The following NECAB3 variants were observed in gnomAD, a reference collection of about 807,000 sequenced individuals.
NECAB3 encodes N-terminal EF-hand calcium-binding protein 3.
NECAB3 carries 38 observed loss-of-function variants against 57.2 expected under a neutral mutation model. The ratio of observed to expected loss-of-function variants is 0.66; its 90% CI spans 0.51 to 0.87. The LOEUF (loss-of-function observed/expected upper bound fraction) is 0.87. Ranked by LOEUF, NECAB3 falls within the 40% of genes least tolerant of loss-of-function variation. The pLI is 0.00. For synonymous variants in NECAB3, 223 were observed against 222.6 expected (o/e 1.00, Z -0.02); for missense variants, 474 against 527.5 (o/e 0.90, Z 0.99).
chr20:33,663,416 C>T (rs2017543658), intron 5 of NECAB3: 7 of 1,119,866 alleles, frequency 6.3e-6, no homozygotes, highest in Admixed American at 2.6e-5. Context: ...TGACAGGACC[C>T]GGGTGGACGA....
chr20:33,666,352 C>T (rs1293160971), intron 5 of NECAB3: 2 of 152,390 alleles, frequency 1.3e-5, no homozygotes, highest in African/African-American at 4.8e-5. Flanking sequence ...AATCACTGCC[C>T]TTGGCTCTGT....
At chr20:33,672,827 C>G (rs560558289) in intron 1 of NECAB3, among the ~76,000 whole-genome samples, 1 of 152,206 alleles carries the variant, frequency 6.6e-6, no homozygotes, top group South Asian at 2.1e-4. Flanking sequence ...CGTCCTAGAC[C>G]TGAGCCCCGA....
At position 33,657,109 on chromosome 20, in the gene NECAB3, T is replaced by A. The variant is rs2017312622; in HGVS notation, c.*720A>T. The A allele has an allele frequency of 6.6e-6, 1 of 152,552 alleles. No homozygotes were observed. The highest frequency in any genetic ancestry group is 1.5e-5 in the Non-Finnish European group (1 of 68,050). 9.4% of individuals were successfully genotyped at this position (152,552 alleles called of 1,614,324 possible). On this transcript the variant is annotated 3_prime_UTR_variant, in exon 12 of 12. Coordinates refer to ENST00000246190, the MANE Select transcript of NECAB3 (RefSeq NM_031232.4). ...CACTGGAAGGGACCACTGCCTTTAT[T>A]GCCTCTGTGCTGGGGTCCCAGCCTG... is the stretch of plus-strand genomic sequence containing the variant.
rs1485684037 is a variant in NECAB3, at chr20:33,657,653, T to A, written c.*176A>T. 1.7e-6 allele frequency: 1 copy of A among 595,310 alleles called. No individual in the cohort carries two copies. The allele number at this position is 595,310 out of a possible 1,614,324, so 36.9% of individuals were successfully genotyped here. ...ACAATAAAATACAGGGATAAATAAATCAATAATAAATAGAAAGCAAGCAGC... is the reference window on the plus strand; with the variant it reads ...ACAATAAAATACAGGGATAAATAAAACAATAATAAATAGAAAGCAAGCAGC... On this transcript the variant is annotated 3_prime_UTR_variant, in exon 12 of 12. Coordinates refer to ENST00000246190, the MANE Select transcript of NECAB3 (RefSeq NM_031232.4).
In NECAB3 at chr20:33,671,025, G is replaced by A. The variant is rs115228016; in HGVS notation, c.155-233C>T. ...CTACTTTGCAGGCACCAAAGGGACA[G>A]GGCAGTATGTACATAGCGTTGGGTA... is the stretch of plus-strand genomic sequence containing the variant. On this transcript the variant is annotated intron_variant, in intron 2 of 11. Coordinates refer to ENST00000246190, the MANE Select transcript of NECAB3 (RefSeq NM_031232.4). 5.5e-3 allele frequency among the ~76,000 whole-genome samples: 841 copies of A among 152,362 alleles called. 6 individuals carry two copies. The highest frequency in any genetic ancestry group is 0.019 in the African/African-American group (795 of 41,584).
At chr20:33,659,145 G>A (rs557082598) in intron 8 of NECAB3, among the ~76,000 whole-genome samples, 53 of 152,170 alleles carry the variant, frequency 3.5e-4, no homozygotes, top group South Asian at 3.1e-3. Context: ...GGTTCCTGCC[G>A]CCAACCTGCC....
rs775759091 is a variant in NECAB3, at chr20:33,660,086, A to G, written c.525-83T>C. 3.3e-6 allele frequency: 5 copies of G among 1,519,824 alleles called. No homozygotes were observed. The highest frequency in any genetic ancestry group is 4.4e-6 in the Non-Finnish European group (5 of 1,135,252). The allele number at this position is 1,519,824 out of a possible 1,614,324, so 94.1% of individuals were successfully genotyped here. On this transcript the variant is annotated intron_variant, in intron 6 of 11. Transcript: ENST00000246190. This position sits in a 1 kb window ranked among gnomAD's most constrained non-coding sequence, Gnocchi z 4.1. ...GGGTGGGGAAGACAAGCCTCCTGGG[A>G]CTCCGAGGCCTAGCCCCAAAGCCAG...
At chr20:33,662,718 T>A (rs537064884) in intron 5 of NECAB3, 197 of 468,376 alleles carry the variant, frequency 4.2e-4, no homozygotes, top group Non-Finnish European at 6.8e-4. Flanking sequence ...GGTGGGTGGA[T>A]AACTTCAGCC....
chr20:33,670,582 C>T lies in NECAB3; in HGVS notation c.263+102G>A, dbSNP rs961626242. On this transcript the variant is annotated intron_variant, in intron 3 of 11. Coordinates refer to ENST00000246190, the MANE Select transcript of NECAB3 (RefSeq NM_031232.4). ...TGAGCCCTGGTACCTTTCTCCCTGC[C>T]CCCTCTTCCTCATCCTACAAAAGGA... 16 of 783,838 alleles carry T rather than the reference C, an allele frequency of 2.0e-5. No individual in the cohort carries two copies. In the African/African-American group the frequency reaches 2.6e-4, roughly 13 times the overall value. 48.6% of individuals were successfully genotyped at this position (783,838 alleles called of 1,614,324 possible).
chr20:33,662,596 A>G, intron 5 of NECAB3: 1 of 1,129,558 alleles, frequency 8.9e-7, no homozygotes, highest in Non-Finnish European at 1.2e-6. Context: ...GGGGTGAGGG[A>G]GGAATTCGAA....
At chr20:33,666,020 T>G (rs2017637914) in intron 5 of NECAB3, among the ~76,000 whole-genome samples, 1 of 152,078 alleles carries the variant, frequency 6.6e-6, no homozygotes, top group African/African-American at 2.4e-5. Context: ...AAGGCAGAGG[T>G]TGCACTGAGC....
At position 33,674,341 on chromosome 20, in the gene NECAB3, C is replaced by G. The variant is rs1327901295; in HGVS notation, c.12G>C (p.Ala4=). 2.8e-5 allele frequency: 34 copies of G among 1,201,906 alleles called. No homozygotes were observed. The highest frequency in any genetic ancestry group is 3.3e-4 in the Middle Eastern group (1 of 3,070). 74.5% of individuals were successfully genotyped at this position (1,201,906 alleles called of 1,614,324 possible). MAC[A]GLLTVCLLRP... Reference sequence around the variant, plus strand: ...GGAGCAGGCACACGGTGAGCAGCCCCGCGCACGCCATGGCGCCGCCACCCG... The same window carrying G: ...GGAGCAGGCACACGGTGAGCAGCCCGGCGCACGCCATGGCGCCGCCACCCG... Residue 4 remains alanine (A), a synonymous_variant, in exon 1 of 12, where the codon GCG becomes GCC. Transcript: ENST00000246190.
chr20:33,658,317 G>T (rs536063918), intron 10 of NECAB3, among the ~76,000 whole-genome samples, 160 bp downstream of exon 10: 1 of 152,288 alleles, frequency 6.6e-6, no homozygotes, highest in East Asian at 1.9e-4. Flanking sequence ...AGTTGGAACT[G>T]TTATCACTTC....
At position 33,660,187 on chromosome 20, in the gene NECAB3, G is replaced by A; in HGVS notation, c.524+72C>T. ...ATGCAGGCTCCAGGATGCTGGGACT[G>A]TGGGGATTTGGAATGGGGGTACAAT... On this transcript the variant is annotated intron_variant, in intron 6 of 11. Transcript: ENST00000246190. This position sits in a 1 kb window ranked among gnomAD's most constrained non-coding sequence, Gnocchi z 4.1. 1 of 1,576,116 alleles carries A rather than the reference G, an allele frequency of 6.3e-7. No homozygotes were observed. The highest frequency in any genetic ancestry group is 1.7e-5 in the Admixed American group (1 of 57,708).
At chr20:33,663,284 A>C in intron 5 of NECAB3, 1 of 549,876 alleles carries the variant, frequency 1.8e-6, no homozygotes, top group Non-Finnish European at 3.2e-6. Flanking sequence ...TCAGGAAGTC[A>C]GCCTGGGATG....
Position 33,658,711 on chromosome 20 carries a change from T to G in NECAB3, c.992+11A>C. 6.8e-6 allele frequency: 11 copies of G among 1,612,878 alleles called. No individual in the cohort carries two copies. The highest frequency in any genetic ancestry group is 8.5e-6 in the Non-Finnish European group (10 of 1,179,208). On this transcript the variant is annotated intron_variant, in intron 9 of 11. Transcript: ENST00000246190. ...CCCACTGGCCATCCCACCTGCCAGC[T>G]GGGGACTCACTGCAGACAATGGCTC...
intron 4 of NECAB3, 70 bp downstream of exon 4, chr20:33,669,617 C>T (rs558877750): frequency 6.5e-7 from 1 of 1,546,398 alleles, no homozygotes; most frequent in East Asian, 2.4e-5. Flanking sequence ...AGACCAGCAA[C>T]AGTCCCTTGC....
At position 33,669,513 on chromosome 20, in the gene NECAB3, C is replaced by T. The variant is rs73261836; in HGVS notation, c.290-41G>A. On this transcript the variant is annotated intron_variant, in intron 4 of 11. Coordinates refer to ENST00000246190, the MANE Select transcript of NECAB3 (RefSeq NM_031232.4). ...GTGCTCAAGGGTTCCTGGACCCCCA[C>T]CCATCTACCCACCCTGGGATTCTGG... The T allele has an allele frequency of 1.2e-3, 1,917 of 1,605,864 alleles. 17 individuals carry two copies. The African/African-American group carries it at 0.021, about 18-fold the overall frequency.
intron 5 of NECAB3, chr20:33,662,180 G>A (rs569986857): frequency 4.6e-6 from 4 of 867,348 alleles, no homozygotes; most frequent in Non-Finnish European, 7.0e-6. Flanking sequence ...AGAAACCAAG[G>A]CTAGAAGTGA....
Sources: allele counts gnomAD v4.1 joint callset (sites outside exome capture counted in the v4.1 genomes callset), GRCh38; gene constraint gnomAD v4.1.1; non-coding constraint Gnocchi (gnomAD v3.1); transcripts MANE v1.5; gene names NCBI Gene and HGNC (gene_info 2026-07-23, HGNC 2026-07-21).